Variants in MLLT10 observed in about 807,000 individuals in gnomAD.
MLLT10 encodes the protein MLLT10 histone lysine methyltransferase DOT1L cofactor, also known as protein AF-10.
In MLLT10, 30 loss-of-function variants were observed where a neutral mutation model predicts 129.1. The ratio of observed to expected loss-of-function variants is 0.23; its 90% CI spans 0.17 to 0.32. The LOEUF (loss-of-function observed/expected upper bound fraction) is 0.32, where lower values mean the gene tolerates loss of function less well. Among genes scored for constraint, MLLT10 ranks in the 10% least tolerant of loss-of-function variants. The pLI is 1.00. For synonymous variants in MLLT10, 490 were observed against 446.4 expected, an observed-to-expected ratio of 1.10 and a Z score of -1.23; for missense variants, 1,119 against 1,268.3, an observed-to-expected ratio of 0.88 and a Z score of 1.79.
intron 3 of MLLT10, among the ~76,000 whole-genome samples, chr10:21,551,115 C>T (rs1164851884): frequency 6.6e-6 from 1 of 151,210 alleles, no homozygotes; most frequent in African/African-American, 2.4e-5. Flanking sequence ...TTAGTAGAGA[C>T]GGGGTTTCAC....
At chr10:21,600,150 G>T (rs1301158513) in intron 5 of MLLT10, among the ~76,000 whole-genome samples, 4 of 151,826 alleles carry the variant, frequency 2.6e-5, no homozygotes, top group Non-Finnish European at 5.9e-5. Flanking sequence ...TGTTCCTTTG[G>T]TGTGTCTATT....
At chr10:21,713,185 A>C (rs963441869) in intron 13 of MLLT10, among the ~76,000 whole-genome samples, 1 of 152,080 alleles carries the variant, frequency 6.6e-6, no homozygotes, top group Non-Finnish European at 1.5e-5. Context: ...GTCAGTCACA[A>C]AGTCCTGTCT....
chr10:21,632,159 T>G (rs2047069816), intron 8 of MLLT10, among the ~76,000 whole-genome samples: 2 of 152,318 alleles, frequency 1.3e-5, no homozygotes, highest in Middle Eastern at 3.4e-3. Context: ...TTTTGAAATT[T>G]AGCTTGAATT....
At chr10:21,616,374 C>G (rs1004066224) in intron 7 of MLLT10, among the ~76,000 whole-genome samples, 6 of 151,974 alleles carry the variant, frequency 3.9e-5, no homozygotes, top group Non-Finnish European at 7.4e-5. Flanking sequence ...ATTGTATAAT[C>G]TTTACATTTG....
intron 7 of MLLT10, 28 bp from the exon 8 acceptor site, chr10:21,617,084 A>T: frequency 9.2e-7 from 1 of 1,090,410 alleles, no homozygotes; most frequent in Non-Finnish European, 1.3e-6. Context: ...ATACATATAC[A>T]TATATGTATA....
At chr10:21,678,999 T>G (rs557383162) in intron 11 of MLLT10, among the ~76,000 whole-genome samples, 2 of 152,332 alleles carry the variant, frequency 1.3e-5, no homozygotes, top group South Asian at 4.1e-4. Flanking sequence ...GTAATCAAAA[T>G]TCTCTCATGA....
chr10:21,730,800 A>G, intron 16 of MLLT10, 100 bp from the exon 17 acceptor site: 1 of 1,301,974 alleles, frequency 7.7e-7, no homozygotes. Flanking sequence ...GCCTGGTGTT[A>G]TAAAACTCAT....
At chr10:21,646,240 G>A (rs897164880) in intron 8 of MLLT10, among the ~76,000 whole-genome samples, 2 of 152,012 alleles carry the variant, frequency 1.3e-5, no homozygotes, top group Admixed American at 6.6e-5. Context: ...CCCCTCTCCT[G>A]TATAACTGTC....
chr10:21,613,773 A>G (rs2044918173), intron 6 of MLLT10, among the ~76,000 whole-genome samples: 1 of 151,844 alleles, frequency 6.6e-6, no homozygotes, highest in Non-Finnish European at 1.5e-5. Flanking sequence ...GGCATGGTGA[A>G]GCATGCCTGT....
In MLLT10 at chr10:21,713,962, C is replaced by A; in HGVS notation, c.1878+12C>A. 1 of 1,600,080 alleles carries A rather than the reference C, an allele frequency of 6.2e-7. No individual in the cohort carries two copies. Among genetic ancestry groups the A allele is most frequent in the Non-Finnish European group, 8.5e-7 (1 of 1,173,558 alleles). On this transcript the variant is annotated intron_variant, in intron 14 of 22. Coordinates refer to ENST00000307729, the MANE Select transcript of MLLT10 (RefSeq NM_001195626.3). ...TTGCTACAACTCAGGTAAGTTGTTA[C>A]ACTATCATGTGACAGGTAATAGGTG... is the stretch of plus-strand genomic sequence containing the variant.
At chr10:21,629,658 G>A (rs1175844903) in intron 8 of MLLT10, among the ~76,000 whole-genome samples, 1 of 152,216 alleles carries the variant, frequency 6.6e-6, no homozygotes, top group Non-Finnish European at 1.5e-5. Context: ...AAATAAAAGA[G>A]TAGGTTGAGT....
At chr10:21,720,154 TTCCC>T (rs1384406615) in intron 14 of MLLT10, among the ~76,000 whole-genome samples, 1 of 152,234 alleles carries the variant, frequency 6.6e-6, no homozygotes, top group African/African-American at 2.4e-5. Flanking sequence ...CTACACTTCA[TTCCC>T]TCCTGCTACT....
intron 2 of MLLT10, 23 bp downstream of exon 2, chr10:21,534,827 G>A (rs1453693746): frequency 1.3e-6 from 2 of 1,563,518 alleles, no homozygotes; most frequent in Admixed American, 1.8e-5. Context: ...CCGCCCGCCG[G>A]GGCGCGCCGG....
intron 21 of MLLT10, among the ~76,000 whole-genome samples, chr10:21,738,218 G>A (rs2058539772): frequency 6.6e-6 from 1 of 151,718 alleles, no homozygotes; most frequent in South Asian, 2.1e-4. Context: ...AGTGAGCCGA[G>A]AGCACACCAC....
chr10:21,545,898 T>G (rs1283655035), intron 3 of MLLT10, among the ~76,000 whole-genome samples: 1 of 151,990 alleles, frequency 6.6e-6, no homozygotes, highest in African/African-American at 2.4e-5. Flanking sequence ...AACACCTGGC[T>G]TTAAGAGATC....
Position 21,598,038 on chromosome 10 carries a change from A to G in MLLT10, c.405+2598A>G, listed in dbSNP as rs183686926. ...ATCTTGTTCCTTTTGCCTTTTCCTC[A>G]CTAATTTTAGCATTCATTGATGTTT... is the stretch of plus-strand genomic sequence containing the variant. On this transcript the variant is annotated intron_variant, in intron 5 of 22. Transcript: ENST00000307729. Among the ~76,000 whole-genome samples, 23 of 152,226 alleles carry G rather than the reference A, an allele frequency of 1.5e-4. No homozygotes were observed. The East Asian group carries it at 2.3e-3, about 15-fold the overall frequency.
At chr10:21,681,458 C>T in intron 12 of MLLT10, 82 bp downstream of exon 12, 1 of 940,210 alleles carries the variant, frequency 1.1e-6, no homozygotes, top group Non-Finnish European at 1.6e-6. Context: ...ACCTCGGAAC[C>T]TCTAAATTTT....
intron 8 of MLLT10, chr10:21,625,215 C>T (rs1223638914): frequency 1.1e-5 from 16 of 1,489,194 alleles, no homozygotes; most frequent in Non-Finnish European, 9.4e-7. Flanking sequence ...GCTTGGCGCT[C>T]TTTCCTTTTC....
intron 13 of MLLT10, among the ~76,000 whole-genome samples, chr10:21,692,695 C>G (rs2053989967): frequency 6.6e-6 from 1 of 151,702 alleles, no homozygotes; most frequent in Non-Finnish European, 1.5e-5. Context: ...TAATGTCGCC[C>G]AGGCTGGTCT....
Sources: gnomAD v4.1 joint callset for allele counts (sites outside exome capture counted in the v4.1 genomes callset) on GRCh38, gnomAD v4.1.1 for gene constraint, MANE v1.5 for transcripts, NCBI Gene and HGNC (gene_info 2026-07-23, HGNC 2026-07-21) for gene names.